The following RIF1 variants were observed in gnomAD, a reference collection of about 807,000 sequenced individuals.
The protein encoded by RIF1 is replication timing regulatory factor 1, also known as telomere-associated protein RIF1.
Under a neutral mutation model 247.1 loss-of-function variants are expected in RIF1, and 45 were observed. The ratio of observed to expected loss-of-function variants is 0.18; its 90% CI spans 0.14 to 0.23. The LOEUF (loss-of-function observed/expected upper bound fraction) is 0.23. Among genes scored for constraint, RIF1 ranks in the 10% least tolerant of loss-of-function variants. The pLI is 1.00. For synonymous variants in RIF1, 1,087 were observed against 978.8 expected (o/e 1.11, Z -2.06); for missense variants, 2,967 against 2,862.5 (o/e 1.04, Z -0.83).
chr2:151,475,368 A>G lies in RIF1; in HGVS notation c.*297A>G, dbSNP rs2048879120. On this transcript the variant is annotated 3_prime_UTR_variant, in exon 36 of 36. Transcript: ENST00000444746. Reference sequence around the variant, plus strand: ...AGTAACAGAACTTACATTTTATTTCATGCTTTCTTAAACCCGTGCATATTC... The same window carrying G: ...AGTAACAGAACTTACATTTTATTTCGTGCTTTCTTAAACCCGTGCATATTC... 1 of 332,652 alleles carries G rather than the reference A, an allele frequency of 3.0e-6. No homozygotes were observed. Among genetic ancestry groups the G allele is most frequent in the East Asian group, 8.0e-5 (1 of 12,568 alleles). 20.6% of individuals were successfully genotyped at this position (332,652 alleles called of 1,614,324 possible).
At chr2:151,429,057 A>T (rs1353163243) in intron 9 of RIF1, 135 bp downstream of exon 9, 3 of 608,418 alleles carry the variant, frequency 4.9e-6, no homozygotes, top group East Asian at 2.8e-5. Flanking sequence ...TTAAGGGAAC[A>T]GGAATAAATT....
chr2:151,422,248 A>AT (rs1206991280), intron 7 of RIF1, among the ~76,000 whole-genome samples: 6 of 152,178 alleles, frequency 3.9e-5, no homozygotes, highest in African/African-American at 1.4e-4. Context: ...CTATTAATGT[A>AT]TTTTTTCATT....
rs1695661327 is a variant in RIF1 at position 151,458,845 on chromosome 2, C to T, written c.2890C>T (p.Leu964Phe). ...AACACAAGCCAAACAAAAATTTCTGCTCCTGTTGCCTGGTTTGGAAACTGT... is the reference window on the plus strand; with the variant it reads ...AACACAAGCCAAACAAAAATTTCTGTTCCTGTTGCCTGGTTTGGAAACTGT... ...VLTQAKQKFLLLLPGLETVEM... is the reference protein window; with the variant it reads ...VLTQAKQKFLFLLPGLETVEM... The change falls in exon 25 of 36, where the codon CTC (leucine) becomes TTC (phenylalanine). Residue 964 changes from leucine (L) to phenylalanine (F), a missense_variant. By Grantham distance (22) the Leu-to-Phe change is conservative. Transcript: ENST00000444746. 1 of 1,612,880 alleles carries T rather than the reference C, an allele frequency of 6.2e-7. No individual in the cohort carries two copies. The highest frequency in any genetic ancestry group is 8.5e-7 in the Non-Finnish European group (1 of 1,179,290).
the RIF1 span, among the ~76,000 whole-genome samples, chr2:151,520,596 G>A: frequency 1.1e-3 from 162 of 152,186 alleles, 8 homozygotes; most frequent in South Asian, 0.031. Context: ...CAGGTGTGGT[G>A]GCTCATGCCT....
chr2:151,521,614 GCTTT>G, the RIF1 span, among the ~76,000 whole-genome samples: 6 of 152,160 alleles, frequency 3.9e-5, no homozygotes, highest in Non-Finnish European at 8.8e-5. Flanking sequence ...AATAAAATCT[GCTTT>G]TTTTAGAAGC....
chr2:151,480,719 C>A lies in RIF1; in HGVS notation c.*5648C>A, dbSNP rs181430799. ...GAACTGAAAATAGAGTATAGTCTAA[C>A]AATTATTTTGATACACTATTGAATA... On this transcript the variant is annotated 3_prime_UTR_variant, in exon 36 of 36. Coordinates refer to ENST00000444746, the MANE Select transcript of RIF1 (RefSeq NM_018151.5). 5 of 152,236 alleles carry A rather than the reference C, an allele frequency of 3.3e-5. No individual in the cohort carries two copies. In the East Asian group the frequency reaches 9.6e-4, roughly 29 times the overall value. The allele number at this position is 152,236 out of a possible 1,614,324, so 9.4% of individuals were successfully genotyped here.
At chr2:151,498,458 G>GGAA in intron 10 of RIF1, 1 of 737,630 alleles carries the variant, frequency 1.4e-6, no homozygotes, top group African/African-American at 1.8e-5. Context: ...GTAAGTTAGA[G>GGAA]GAAGAGAAAT....
At chr2:151,452,209 G>A (rs1427965418) in intron 21 of RIF1, among the ~76,000 whole-genome samples, 1 of 152,144 alleles carries the variant, frequency 6.6e-6, no homozygotes, top group African/African-American at 2.4e-5. Flanking sequence ...GTAATTAAAT[G>A]ATTAAAATTG....
the RIF1 span, chr2:151,516,387 C>A: frequency 9.8e-7 from 1 of 1,019,658 alleles, no homozygotes; most frequent in Non-Finnish European, 1.5e-6. Context: ...GGAAACTGGC[C>A]ATGTCATGGG....
At chr2:151,527,720 G>A in the RIF1 span, 1 of 652,700 alleles carries the variant, frequency 1.5e-6, no homozygotes. Context: ...AGCCCCAATT[G>A]AAATTTCTGT....
At position 151,474,064 on chromosome 2, in the gene RIF1, T is replaced by G; in HGVS notation, c.7196T>G (p.Leu2399Arg). 1 of 1,449,614 alleles carries G rather than the reference T, an allele frequency of 6.9e-7. No individual in the cohort carries two copies. Among genetic ancestry groups the G allele is most frequent in the Non-Finnish European group, 9.6e-7 (1 of 1,039,044 alleles). The allele number at this position is 1,449,614 out of a possible 1,614,324, so 89.8% of individuals were successfully genotyped here. Residue 2399 changes from leucine to arginine, a missense_variant, in exon 35 of 36, where the codon CTT becomes CGT. By Grantham distance (102) the Leu-to-Arg change is moderately radical. Around this residue, in one of 7 missense-constraint regions of RIF1, gnomAD observed 151 missense variants for 163.4 expected, o/e 0.92. Coordinates refer to ENST00000444746, the MANE Select transcript of RIF1 (RefSeq NM_018151.5). Reference sequence around the variant, plus strand: ...TCTTTGTCACCTGATGAAGAAAGACTTGTCTCAGGTATATTTTAGCAAAAG... The same window carrying G: ...TCTTTGTCACCTGATGAAGAAAGACGTGTCTCAGGTATATTTTAGCAAAAG... ...NKSLSPDEER[L>R]VSDIIDPVAL...
chr2:151,490,465 T>C lies in RIF1; in HGVS notation c.*416-4764T>C, dbSNP rs1061305. On this transcript the variant is annotated intron_variant and NMD_transcript_variant, in intron 9 of 13. Transcript: ENST00000454583. The stretch of plus-strand genomic sequence containing the variant: ...TCAGACTTCTCCTCACCCCCACTGA[T>C]GCTTAGTGCACTGGCAGATCGTGAC... The C allele has an allele frequency of 0.4, 645,501 of 1,606,238 alleles. 132,868 individuals are homozygous for C. Among genetic ancestry groups the C allele is most frequent in the African/African-American group, 0.44 (32,603 of 74,812 alleles).
At chr2:151,524,828 C>T in the RIF1 span, among the ~76,000 whole-genome samples, 2 of 151,480 alleles carry the variant, frequency 1.3e-5, no homozygotes, top group East Asian at 1.9e-4. Context: ...CCACCATGCC[C>T]GGCTGATTTT....
chr2:151,499,011 G>A (rs1028212584), intron 10 of RIF1, among the ~76,000 whole-genome samples: 1 of 142,444 alleles, frequency 7.0e-6, no homozygotes, highest in African/African-American at 2.6e-5. Flanking sequence ...TTTAGGTTCA[G>A]ATCAAATTTG....
the RIF1 span, chr2:151,534,330 A>G: frequency 6.2e-7 from 1 of 1,605,240 alleles, no homozygotes. Flanking sequence ...CTGCTCAAAC[A>G]TCATAGCATA....
chr2:151,463,228 T>G lies in RIF1; in HGVS notation c.3708T>G (p.Ser1236Arg). 1 of 1,613,990 alleles carries G rather than the reference T, an allele frequency of 6.2e-7. No homozygotes were observed. The highest frequency in any genetic ancestry group is 8.5e-7 in the Non-Finnish European group (1 of 1,179,924). Residue 1236 changes from serine (S) to arginine (R), a missense_variant, in exon 30 of 36, where the codon AGT (serine) becomes AGG (arginine). Transcript: ENST00000444746. ...ATGGTTCAGAAAATAGACCTTTTAG[T>G]CCATCCCCCTTGAATAATATTTCAT... Reference protein sequence around the residue: ...KFDGSENRPFSPSPLNNISST... With the variant: ...KFDGSENRPFRPSPLNNISST...
In RIF1 at chr2:151,465,734, G is replaced by C; in HGVS notation, c.6214G>C (p.Glu2072Gln). 1 of 1,614,128 alleles carries C rather than the reference G, an allele frequency of 6.2e-7. No homozygotes were observed. The highest frequency in any genetic ancestry group is 2.2e-5 in the East Asian group (1 of 44,884). The change falls in exon 30 of 36, where the codon GAA becomes CAA. Residue 2072 changes from glutamate to glutamine, a missense_variant. Coordinates refer to ENST00000444746, the MANE Select transcript of RIF1 (RefSeq NM_018151.5). ...EMDNFVCDTV[E>Q]MSTEEGIIDA... ...GGACAACTTTGTTTGTGACACAGTT[G>C]AAATGAGCACTGAAGAAGGAATCAT...
chr2:151,525,179 G>A, the RIF1 span: 1 of 1,613,336 alleles, frequency 6.2e-7, no homozygotes, highest in Non-Finnish European at 8.5e-7. Flanking sequence ...TTGCTTCTTG[G>A]CCACTTCCAT....
intron 9 of RIF1, among the ~76,000 whole-genome samples, chr2:151,489,404 A>G (rs546421187): frequency 6.6e-6 from 1 of 152,290 alleles, no homozygotes; most frequent in South Asian, 2.1e-4. Context: ...ACATCTATAC[A>G]TTCTTGATTT....
Sources: allele counts gnomAD v4.1 joint callset (sites outside exome capture counted in the v4.1 genomes callset), GRCh38; gene constraint gnomAD v4.1.1; regional missense constraint gnomAD v4.1.1; transcripts MANE v1.5; gene names NCBI Gene and HGNC (gene_info 2026-07-23, HGNC 2026-07-21).